CRPPA: variants seen among roughly 807,000 people sequenced by gnomAD.
CRPPA encodes the protein CDP-L-ribitol pyrophosphorylase A.
Under a neutral mutation model 52.0 loss-of-function variants are expected in CRPPA, and 43 were observed. The ratio of observed to expected loss-of-function variants is 0.83; its 90% confidence interval spans 0.65 to 1.07. The LOEUF is 1.07. Ranked by LOEUF, CRPPA falls within the 50% of genes least tolerant of loss-of-function variation. CRPPA has a pLI of 0.00. For missense variants in CRPPA, 629 were observed against 551.7 expected (o/e 1.14, Z -1.40); for synonymous variants, 250 against 203.5 (o/e 1.23, Z -1.94).
intron 9 of CRPPA, among the ~76,000 whole-genome samples, chr7:16,181,687 C>A (rs1449554990): frequency 6.6e-6 from 1 of 151,956 alleles, no homozygotes; most frequent in African/African-American, 2.4e-5. Flanking sequence ...ACTTAAAAAA[C>A]AGCATAAATT....
intron 9 of CRPPA, among the ~76,000 whole-genome samples, chr7:16,139,552 G>T (rs1228351455): frequency 6.6e-6 from 1 of 152,026 alleles, no homozygotes. Flanking sequence ...AGTTACTGTG[G>T]TTTTTGTGAT....
intron 5 of CRPPA, among the ~76,000 whole-genome samples, chr7:16,298,726 A>C (rs1393966070): frequency 6.6e-6 from 1 of 152,190 alleles, no homozygotes; most frequent in African/African-American, 2.4e-5. Flanking sequence ...TGTGCCTATG[A>C]GGGTGTTTCC....
At chr7:16,268,040 A>G (rs572899012) in intron 6 of CRPPA, among the ~76,000 whole-genome samples, 165 of 152,118 alleles carry the variant, frequency 1.1e-3, no homozygotes, top group African/African-American at 3.6e-3. Context: ...AGGTCCTGGA[A>G]CCCCCATATA....
Position 16,190,757 on chromosome 7 carries a change from C to T in CRPPA, c.1251+25309G>A, listed in dbSNP as rs753059682. Among the ~76,000 whole-genome samples, 2 of 151,974 alleles carry T rather than the reference C, an allele frequency of 1.3e-5. 1 individual carries two copies. The highest frequency in any genetic ancestry group is 1.3e-4 in the Admixed American group (2 of 15,222). ...TGCATCCAATGCGTAGTCTTTTATC[C>T]CTCATCTCTCTCCCACCCTTTCCCC... On this transcript the variant is annotated intron_variant, in intron 9 of 9. Transcript: ENST00000407010.
intron 2 of CRPPA, among the ~76,000 whole-genome samples, chr7:16,378,257 C>T (rs1041649712): frequency 1.0e-5 from 1 of 97,118 alleles, no homozygotes; most frequent in African/African-American, 4.0e-5. Flanking sequence ...CTATCCCTCC[C>T]CCCTCCCCCC....
At chr7:16,251,077 C>A (rs1425301457) in intron 8 of CRPPA, among the ~76,000 whole-genome samples, 1 of 151,724 alleles carries the variant, frequency 6.6e-6, no homozygotes, top group Admixed American at 6.6e-5. Flanking sequence ...GGGTTGCAAT[C>A]CTAGTCTCTG....
At chr7:16,361,035 T>A (rs1458569176) in intron 3 of CRPPA, among the ~76,000 whole-genome samples, 1 of 151,932 alleles carries the variant, frequency 6.6e-6, no homozygotes, top group Non-Finnish European at 1.5e-5. Context: ...CCACCCAATT[T>A]TAAAAGGAAA....
At chr7:16,321,307 A>C (rs1488213726) in intron 3 of CRPPA, among the ~76,000 whole-genome samples, 1 of 152,176 alleles carries the variant, frequency 6.6e-6, no homozygotes, top group African/African-American at 2.4e-5. Context: ...TTACCCTATC[A>C]TAACTTATTT....
intron 2 of CRPPA, among the ~76,000 whole-genome samples, chr7:16,381,320 C>A (rs1486561259): frequency 6.6e-6 from 1 of 151,830 alleles, no homozygotes; most frequent in Non-Finnish European, 1.5e-5. Flanking sequence ...TTTCTTAATC[C>A]TGAGTTCTAG....
intron 8 of CRPPA, among the ~76,000 whole-genome samples, chr7:16,225,397 C>T (rs1488443241): frequency 6.6e-6 from 1 of 151,908 alleles, no homozygotes; most frequent in Non-Finnish European, 1.5e-5. Flanking sequence ...CATACATCTA[C>T]AATTACCTTA....
At position 16,088,885 on chromosome 7, in the gene CRPPA, C is replaced by A; in HGVS notation, c.*2810G>T. 1 of 178,402 alleles carries A rather than the reference C, an allele frequency of 5.6e-6. No individual in the cohort carries two copies. The highest frequency in any genetic ancestry group is 1.2e-5 in the Non-Finnish European group (1 of 81,774). The allele number at this position is 178,402 out of a possible 1,614,324, so 11.1% of individuals were successfully genotyped here. ...TGTCCCACCCTTCTTGTCCATTTCG[C>A]CAATGTTCATTCAGTGCCTCTGGCT... is the stretch of plus-strand genomic sequence containing the variant. On this transcript the variant is annotated 3_prime_UTR_variant, in exon 10 of 10. Coordinates refer to ENST00000407010, the MANE Select transcript of CRPPA (RefSeq NM_001101426.4).
At chr7:16,313,168 G>C (rs1785069604) in intron 3 of CRPPA, among the ~76,000 whole-genome samples, 1 of 151,820 alleles carries the variant, frequency 6.6e-6, no homozygotes, top group African/African-American at 2.4e-5. Context: ...TAAAAGTTTG[G>C]TAGAAATTAC....
At chr7:16,102,660 C>T (rs772783682) in intron 9 of CRPPA, among the ~76,000 whole-genome samples, 4 of 152,142 alleles carry the variant, frequency 2.6e-5, no homozygotes, top group Non-Finnish European at 5.9e-5. Flanking sequence ...TATAAACAGA[C>T]ACTTCTCAAC....
At chr7:16,386,088 T>G (rs1787261771) in intron 2 of CRPPA, among the ~76,000 whole-genome samples, 1 of 152,070 alleles carries the variant, frequency 6.6e-6, no homozygotes, top group Non-Finnish European at 1.5e-5. Flanking sequence ...ATACATGAAT[T>G]TGAACGTTGG....
chr7:16,342,587 G>C (rs953107148), intron 3 of CRPPA, among the ~76,000 whole-genome samples: 1 of 150,978 alleles, frequency 6.6e-6, no homozygotes, highest in African/African-American at 2.4e-5. Context: ...ATTTCATGTT[G>C]ATAATCCTCA....
At chr7:16,401,850 C>A (rs1229266589) in intron 2 of CRPPA, among the ~76,000 whole-genome samples, 1 of 150,634 alleles carries the variant, frequency 6.6e-6, no homozygotes, top group Admixed American at 6.6e-5. Context: ...TATCTTGAAA[C>A]ACCTCTTTCA....
At chr7:16,278,773 A>C (rs1477342148) in intron 5 of CRPPA, among the ~76,000 whole-genome samples, 1 of 152,214 alleles carries the variant, frequency 6.6e-6, no homozygotes, top group Non-Finnish European at 1.5e-5. Context: ...AATTTTCTTC[A>C]CATCTGGAAG....
At chr7:16,418,044 A>G (rs560300898) in intron 1 of CRPPA, among the ~76,000 whole-genome samples, 1 of 152,222 alleles carries the variant, frequency 6.6e-6, no homozygotes, top group Non-Finnish European at 1.5e-5. Context: ...TGTATAAATT[A>G]TCTTTTTTAA....
chr7:16,216,750 C>T (rs916045673), intron 8 of CRPPA, among the ~76,000 whole-genome samples: 2 of 152,186 alleles, frequency 1.3e-5, no homozygotes, highest in Non-Finnish European at 2.9e-5. Context: ...AAAAACGGCG[C>T]ACCACGAGAT....
Sources: allele counts gnomAD v4.1 joint callset (sites outside exome capture counted in the v4.1 genomes callset), GRCh38; gene constraint gnomAD v4.1.1; transcripts MANE v1.5; gene names NCBI Gene and HGNC (gene_info 2026-07-23, HGNC 2026-07-21).